The following CNTNAP2 variants were observed in gnomAD, a reference collection of about 807,000 sequenced individuals.
CNTNAP2 encodes contactin associated protein 2, also known as contactin-associated protein-like 2.
Under a neutral mutation model 155.2 loss-of-function variants are expected in CNTNAP2, and 98 were observed. The observed-to-expected ratio is 0.63, with a 90% CI of 0.54 to 0.75. CNTNAP2 has a LOEUF of 0.75. Ranked by LOEUF, CNTNAP2 falls within the 30% of genes least tolerant of loss-of-function variation. CNTNAP2 has a pLI of 0.00. For missense variants in CNTNAP2, 1,727 were observed against 1,688.1 expected, an observed-to-expected ratio of 1.02 and a Z score of -0.40; for synonymous variants, 651 against 631.2, an observed-to-expected ratio of 1.03 and a Z score of -0.47.
chr7:146,473,158 T>C (rs1442860127), intron 1 of CNTNAP2, among the ~76,000 whole-genome samples: 1 of 151,942 alleles, frequency 6.6e-6, no homozygotes, highest in African/African-American at 2.4e-5. Flanking sequence ...ACAGGCTCTG[T>C]GGGGAAAAAT....
chr7:148,311,543 C>A (rs1797596005), intron 21 of CNTNAP2, among the ~76,000 whole-genome samples: 2 of 152,168 alleles, frequency 1.3e-5, no homozygotes, highest in Admixed American at 1.3e-4. Flanking sequence ...ATCATCTATC[C>A]ACTCTAAGAG....
intron 20 of CNTNAP2, among the ~76,000 whole-genome samples, chr7:148,252,265 G>A (rs1005223109): frequency 1.3e-5 from 2 of 152,172 alleles, no homozygotes; most frequent in African/African-American, 4.8e-5. Flanking sequence ...CAAGGAGAGA[G>A]ATCCTGGGGT....
At chr7:146,831,650 T>TG (rs1803513724) in intron 2 of CNTNAP2, among the ~76,000 whole-genome samples, 1 of 114,936 alleles carries the variant, frequency 8.7e-6, no homozygotes. Flanking sequence ...CACTCCAGCC[T>TG]GGCGACAGAG....
intron 15 of CNTNAP2, among the ~76,000 whole-genome samples, chr7:148,089,006 A>G (rs1270728338): frequency 6.6e-6 from 1 of 152,046 alleles, no homozygotes; most frequent in East Asian, 1.9e-4. Flanking sequence ...GGTTCAATAT[A>G]CAATAATTAA....
chr7:146,716,430 T>C (rs1347522538), intron 1 of CNTNAP2, among the ~76,000 whole-genome samples: 1 of 152,012 alleles, frequency 6.6e-6, no homozygotes, highest in Non-Finnish European at 1.5e-5. Flanking sequence ...CCTTTGGAGG[T>C]TTTTGTTTAA....
At chr7:146,894,300 A>G (rs1015271458) in intron 3 of CNTNAP2, among the ~76,000 whole-genome samples, 13 of 152,222 alleles carry the variant, frequency 8.5e-5, no homozygotes, top group African/African-American at 2.7e-4. Context: ...GTTAGTATAC[A>G]GAATAAGGGC....
At chr7:148,114,323 G>A (rs930021734) in intron 15 of CNTNAP2, among the ~76,000 whole-genome samples, 1 of 152,180 alleles carries the variant, frequency 6.6e-6, no homozygotes, top group South Asian at 2.1e-4. Context: ...TTAACACCCA[G>A]GTTACCAAAA....
intron 13 of CNTNAP2, chr7:147,672,345 T>C (rs1246459910): frequency 6.6e-6 from 1 of 152,234 alleles, no homozygotes. Flanking sequence ...AAATGACATT[T>C]ATGACCCATT....
At chr7:147,911,494 A>C (rs1800067009) in intron 14 of CNTNAP2, among the ~76,000 whole-genome samples, 1 of 152,218 alleles carries the variant, frequency 6.6e-6, no homozygotes, top group Admixed American at 6.5e-5. Flanking sequence ...AGAAATGAGG[A>C]AGAGATTTAA....
At chr7:146,721,812 CTAT>C (rs1563204078) in intron 1 of CNTNAP2, among the ~76,000 whole-genome samples, 6 of 107,256 alleles carry the variant, frequency 5.6e-5, no homozygotes, top group Non-Finnish European at 8.6e-5. Flanking sequence ...TATATATAGT[CTAT>C]ATATGTAGAC....
chr7:148,193,768 T>C (rs375233843), intron 18 of CNTNAP2, among the ~76,000 whole-genome samples: 1 of 152,152 alleles, frequency 6.6e-6, no homozygotes, highest in East Asian at 1.9e-4. Flanking sequence ...TCCAGTTAGG[T>C]AGGCCCAGCC....
At chr7:146,811,684 G>T (rs1407383657) in intron 2 of CNTNAP2, among the ~76,000 whole-genome samples, 1 of 151,986 alleles carries the variant, frequency 6.6e-6, no homozygotes, top group Non-Finnish European at 1.5e-5. Context: ...ATAAGGTTTA[G>T]CTGTGTCTGC....
chr7:148,087,583 C>T (rs1441031081), intron 15 of CNTNAP2, among the ~76,000 whole-genome samples: 1 of 152,110 alleles, frequency 6.6e-6, no homozygotes, highest in Non-Finnish European at 1.5e-5. Flanking sequence ...ATCTCTTTAA[C>T]TTGACTCCAT....
intron 13 of CNTNAP2, among the ~76,000 whole-genome samples, chr7:147,804,826 T>C (rs544378722): frequency 1.3e-5 from 2 of 152,290 alleles, no homozygotes; most frequent in East Asian, 3.9e-4. Flanking sequence ...AGTGCTGGGA[T>C]TACAGGCATG....
intron 1 of CNTNAP2, among the ~76,000 whole-genome samples, chr7:146,723,212 G>A (rs890152385): frequency 6.6e-6 from 1 of 152,050 alleles, no homozygotes; most frequent in Admixed American, 6.6e-5. Context: ...TGAGAAGATG[G>A]CAATGGGAAG....
In CNTNAP2 at chr7:147,430,941, G is replaced by A. The variant is rs540322874; in HGVS notation, c.1670+35161G>A. ...TAGCCGGGCCTAGTCTCAGCTACTC[G>A]GGAGGCTGAGGCAGGAGAATGGCGT... On this transcript the variant is annotated intron_variant, in intron 10 of 23. Transcript: ENST00000361727. Among the ~76,000 whole-genome samples the A allele has an allele frequency of 1.1e-4, 16 of 152,024 alleles. No homozygotes were observed. In the East Asian group the frequency reaches 1.8e-3, roughly 17 times the overall value.
chr7:147,040,858 A>G (rs1341086689), intron 3 of CNTNAP2, among the ~76,000 whole-genome samples: 1 of 152,166 alleles, frequency 6.6e-6, no homozygotes, highest in African/African-American at 2.4e-5. Context: ...AATGTTCATC[A>G]TATCTTTCCC....
At chr7:147,728,210 A>G (rs1796677546) in intron 13 of CNTNAP2, among the ~76,000 whole-genome samples, 1 of 151,892 alleles carries the variant, frequency 6.6e-6, no homozygotes, top group Admixed American at 6.6e-5. Context: ...CAATTCTTTC[A>G]GCTTAGTAAA....
At chr7:147,578,139 T>A (rs1383997126) in intron 12 of CNTNAP2, among the ~76,000 whole-genome samples, 1 of 152,154 alleles carries the variant, frequency 6.6e-6, no homozygotes, top group African/African-American at 2.4e-5. Flanking sequence ...ACATTGCCTA[T>A]CTGCATGGTG....
Sources: gnomAD v4.1 joint callset for allele counts (sites outside exome capture counted in the v4.1 genomes callset) on GRCh38, gnomAD v4.1.1 for gene constraint, MANE v1.5 for transcripts, NCBI Gene and HGNC (gene_info 2026-07-23, HGNC 2026-07-21) for gene names.